Variants in AFG2B observed in about 807,000 individuals in gnomAD.
AFG2B encodes ATPase family gene 2 protein homolog B.
the AFG2B span, chr15:45,403,247 C>G: frequency 0.028 from 43,007 of 1,563,076 alleles, 678 homozygotes; most frequent in Middle Eastern, 0.046. Flanking sequence ...CTGCAGGGTT[C>G]CCGGCCTGGG....
At chr15:45,415,426 A>T in the AFG2B span, among the ~76,000 whole-genome samples, 1 of 151,048 alleles carries the variant, frequency 6.6e-6, no homozygotes, top group Admixed American at 6.7e-5. Context: ...TGAGCCTGGG[A>T]GGCAGAAGTT....
chr15:45,421,100 C>G, the AFG2B span: 2 of 1,613,616 alleles, frequency 1.2e-6, no homozygotes, highest in Non-Finnish European at 1.7e-6. Context: ...GAAACAAGAG[C>G]ACTTTCTAAA....
chr15:45,405,396 G>C, the AFG2B span: 2 of 1,614,200 alleles, frequency 1.2e-6, no homozygotes, highest in Admixed American at 3.3e-5. Flanking sequence ...CCCATCTCCA[G>C]TCATGTTGAT....
chr15:45,417,476 C>G, the AFG2B span: 21 of 1,488,364 alleles, frequency 1.4e-5, no homozygotes, highest in Admixed American at 9.7e-5. Context: ...CCATGGTGTT[C>G]TACTTACCCT....
the AFG2B span, among the ~76,000 whole-genome samples, chr15:45,407,897 A>G: frequency 1.3e-5 from 2 of 152,250 alleles, no homozygotes. Context: ...GAATGTAAAG[A>G]GTCTCCAAAA....
At chr15:45,418,426 A>T in the AFG2B span, 1 of 695,144 alleles carries the variant, frequency 1.4e-6, no homozygotes, top group South Asian at 3.4e-5. Flanking sequence ...TTGATGACTT[A>T]GTCTTTCTAA....
At chr15:45,420,374 G>A in the AFG2B span, among the ~76,000 whole-genome samples, 2 of 152,236 alleles carry the variant, frequency 1.3e-5, no homozygotes, top group African/African-American at 4.8e-5. Flanking sequence ...GGGTCATAGG[G>A]TATGTGTTTG....
chr15:45,419,986 T>TCTC, the AFG2B span, among the ~76,000 whole-genome samples: 1 of 49,246 alleles, frequency 2.0e-5, no homozygotes, highest in East Asian at 1.7e-3. Flanking sequence ...CAAGACTCTG[T>TCTC]CCCCCCCCCC....
chr15:45,414,224 G>C, the AFG2B span, among the ~76,000 whole-genome samples: 7 of 152,178 alleles, frequency 4.6e-5, no homozygotes, highest in African/African-American at 1.7e-4. Context: ...GCCACACGAA[G>C]ATCTTGGGGA....
chr15:45,410,358 G>T, the AFG2B span: 4 of 1,603,576 alleles, frequency 2.5e-6, no homozygotes, highest in Non-Finnish European at 3.4e-6. Context: ...GCTTTTTTGG[G>T]TGTATTTCTT....
At chr15:45,410,619 T>C in the AFG2B span, 3 of 1,256,302 alleles carry the variant, frequency 2.4e-6, no homozygotes, top group East Asian at 2.5e-5. Context: ...CTGAAACTGC[T>C]CTTGCTCCTA....
At chr15:45,418,440 C>CTATATA in the AFG2B span, 3 of 994,690 alleles carry the variant, frequency 3.0e-6, no homozygotes, top group Non-Finnish European at 2.9e-6. Context: ...TTTCTAACCC[C>CTATATA]TATATATATT....
At chr15:45,402,559 G>T in the AFG2B span, 1 of 1,584,946 alleles carries the variant, frequency 6.3e-7, no homozygotes, top group Non-Finnish European at 8.6e-7. Flanking sequence ...CGCGCGCTTG[G>T]GCTCGGCAGT....
the AFG2B span, among the ~76,000 whole-genome samples, chr15:45,410,916 C>G: frequency 6.6e-6 from 1 of 152,132 alleles, no homozygotes; most frequent in East Asian, 1.9e-4. Context: ...AGTTTATAAT[C>G]TAAGGCTGGG....
the AFG2B span, among the ~76,000 whole-genome samples, chr15:45,416,080 C>T: frequency 1.3e-5 from 2 of 152,140 alleles, no homozygotes; most frequent in Non-Finnish European, 2.9e-5. Context: ...ATAGAGAAGG[C>T]AGTTTATTCT....
At chr15:45,421,354 T>G in the AFG2B span, 2 of 546,316 alleles carry the variant, frequency 3.7e-6, no homozygotes, top group Admixed American at 4.1e-5. Flanking sequence ...AACTTGTGCC[T>G]GATAAGCTAA....
At chr15:45,412,698 C>G in the AFG2B span, among the ~76,000 whole-genome samples, 4 of 151,648 alleles carry the variant, frequency 2.6e-5, no homozygotes, top group Admixed American at 2.6e-4. Context: ...AGGTGGAAGG[C>G]CTTAGTTTGC....
At chr15:45,408,043 T>C in the AFG2B span, among the ~76,000 whole-genome samples, 1 of 152,170 alleles carries the variant, frequency 6.6e-6, no homozygotes, top group Non-Finnish European at 1.5e-5. Flanking sequence ...AAAAATACTT[T>C]TAGTCCAATT....
At chr15:45,407,818 A>ATT in the AFG2B span, among the ~76,000 whole-genome samples, 19 of 152,334 alleles carry the variant, frequency 1.2e-4, no homozygotes, top group African/African-American at 4.6e-4. Context: ...CAGTACAGAT[A>ATT]TTTTTAATAA....
Sources: allele counts gnomAD v4.1 joint callset (sites outside exome capture counted in the v4.1 genomes callset), GRCh38; gene constraint gnomAD v4.1.1; transcripts MANE v1.5; gene names NCBI Gene and HGNC (gene_info 2026-07-23, HGNC 2026-07-21).